Variants in IGSF10 observed in about 807,000 individuals in gnomAD.
The protein encoded by IGSF10 is immunoglobulin superfamily member 10, also known as calvaria mechanical force protein 608.
A neutral mutation model predicts 128.2 loss-of-function variants in IGSF10; 126 were observed. The observed-to-expected ratio is 0.98, with a 90% CI of 0.85 to 1.14. The LOEUF (loss-of-function observed/expected upper bound fraction) is 1.14. IGSF10 is among the 50% of genes most tolerant of loss of function. The pLI is 0.00. For synonymous variants in IGSF10, 1,185 were observed against 1,146.2 expected, an observed-to-expected ratio of 1.03 and a Z score of -0.68; for missense variants, 3,295 against 3,149.8, an observed-to-expected ratio of 1.05 and a Z score of -1.10.
the IGSF10 span, among the ~76,000 whole-genome samples, chr3:151,504,835 A>G: frequency 2.0e-5 from 3 of 152,216 alleles, no homozygotes; most frequent in Admixed American, 6.5e-5. Context: ...CTGTTTCTGT[A>G]CTGATAAGAT....
At chr3:151,566,052 G>A in the IGSF10 span, 1 of 153,436 alleles carries the variant, frequency 6.5e-6, no homozygotes, top group Non-Finnish European at 1.5e-5. Flanking sequence ...AGCAACTGAG[G>A]CAGTGCCAAT....
At chr3:151,501,722 A>G in the IGSF10 span, among the ~76,000 whole-genome samples, 1 of 152,122 alleles carries the variant, frequency 6.6e-6, no homozygotes, top group Non-Finnish European at 1.5e-5. Flanking sequence ...TGTCTCAGAA[A>G]TGATTAAGAG....
chr3:151,438,133 ATCC>A lies in IGSF10; in HGVS notation c.6425_6427del (p.Arg2142_Ile2143delinsLeu). ...CTTGTTGGTTTTGTTACTCTGCCTTATCCGGGGAGCAGCTGTTATAACTGTTAA... is the reference window on the plus strand; with the variant it reads ...CTTGTTGGTTTTGTTACTCTGCCTTAGGGGAGCAGCTGTTATAACTGTTAA... On this transcript the variant is annotated inframe_deletion, in exon 8 of 8. Transcript: ENST00000282466. 1 of 1,614,172 alleles carries A rather than the reference ATCC, an allele frequency of 6.2e-7. No individual in the cohort carries two copies. Among genetic ancestry groups the A allele is most frequent in the Non-Finnish European group, 8.5e-7 (1 of 1,180,016 alleles).
the IGSF10 span, among the ~76,000 whole-genome samples, chr3:151,493,090 T>G: frequency 6.6e-6 from 1 of 152,146 alleles, no homozygotes; most frequent in Non-Finnish European, 1.5e-5. Context: ...ATTGCATGAT[T>G]TCACTCATGT....
the IGSF10 span, among the ~76,000 whole-genome samples, chr3:151,512,043 TAGAC>T: frequency 6.6e-6 from 1 of 152,098 alleles, no homozygotes; most frequent in Middle Eastern, 3.2e-3. Flanking sequence ...CTGTCAACAT[TAGAC>T]AGATCAACTA....
chr3:151,438,452 G>GTT lies in IGSF10; in HGVS notation c.6107_6108dup (p.Pro2037AsnfsTer23), dbSNP rs1390343381. On this transcript the variant is annotated frameshift_variant, in exon 8 of 8. Transcript: ENST00000282466. LOFTEE classifies it low-confidence loss of function (END_TRUNC). The stretch of plus-strand genomic sequence containing the variant: ...TACTGCTTGTGGTCAATTTTGGCAG[G>GTT]TTTCAGTCTTAGGCTAACATGCATC... 6.2e-6 allele frequency: 10 copies of GTT among 1,613,984 alleles called. No individual in the cohort carries two copies. Among genetic ancestry groups the GTT allele is most frequent in the Non-Finnish European group, 7.6e-6 (9 of 1,180,038 alleles).
At position 151,437,061 on chromosome 3, in the gene IGSF10, G is replaced by A. The variant is rs779686148; in HGVS notation, c.7500C>T (p.Asp2500=). ...GAGCCTTACAGATATAGTTTCCTCT[G>A]TCATAAGCTGTTGCTTCTTTAATGA... is the stretch of plus-strand genomic sequence containing the variant. The part of the protein sequence containing the change: ...TLVIKEATAY[D]RGNYICKAQN... Residue 2500 remains aspartate (D), a synonymous_variant, in exon 8 of 8, where the codon GAC becomes GAT. Coordinates refer to ENST00000282466, the MANE Select transcript of IGSF10 (RefSeq NM_178822.5). 7 of 1,614,068 alleles carry A rather than the reference G, an allele frequency of 4.3e-6. No individual in the cohort carries two copies. Among genetic ancestry groups the A allele is most frequent in the South Asian group, 1.1e-5 (1 of 91,092 alleles).
At chr3:151,470,088 G>A in the IGSF10 span, among the ~76,000 whole-genome samples, 1 of 152,160 alleles carries the variant, frequency 6.6e-6, no homozygotes, top group Admixed American at 6.6e-5. Context: ...AATGCCACAA[G>A]GATTTACCAA....
At chr3:151,602,889 G>A in the IGSF10 span, among the ~76,000 whole-genome samples, 2 of 152,140 alleles carry the variant, frequency 1.3e-5, no homozygotes, top group Non-Finnish European at 2.9e-5. Flanking sequence ...TTTTCTTTTC[G>A]TATTTTCTGG....
In IGSF10 at chr3:151,446,777, G is replaced by A. The variant is rs761154809; in HGVS notation, c.3204C>T (p.Pro1068=). 6.2e-7 allele frequency: 1 copy of A among 1,614,058 alleles called. No homozygotes were observed. The highest frequency in any genetic ancestry group is 8.5e-7 in the Non-Finnish European group (1 of 1,179,986). Reference sequence around the variant, plus strand: ...CTGTGGCAGTGGTGAGCCTCTCCCTGGGAAGACAGGACAGACATGTCACAT... The same window carrying A: ...CTGTGGCAGTGGTGAGCCTCTCCCTAGGAAGACAGGACAGACATGTCACAT... The part of the protein sequence containing the change: ...VLNVTCLSCL[P]RERLTTATAA... The change falls in exon 6 of 8, where the codon CCC becomes CCT. Residue 1068 remains proline, a synonymous_variant. Transcript: ENST00000282466.
chr3:151,508,206 A>G, the IGSF10 span, among the ~76,000 whole-genome samples: 1 of 152,140 alleles, frequency 6.6e-6, no homozygotes, highest in Admixed American at 6.5e-5. Flanking sequence ...GCTTAAAGTT[A>G]CTTAAAAGTT....
the IGSF10 span, among the ~76,000 whole-genome samples, chr3:151,613,113 C>A: frequency 6.6e-6 from 1 of 152,108 alleles, no homozygotes; most frequent in African/African-American, 2.4e-5. Context: ...GAATAAAATA[C>A]CTAAGAATCC....
the IGSF10 span, among the ~76,000 whole-genome samples, chr3:151,466,926 T>C: frequency 6.6e-6 from 1 of 152,054 alleles, no homozygotes; most frequent in Non-Finnish European, 1.5e-5. Flanking sequence ...TAAAGAGAAC[T>C]TAAGATGGTC....
Position 151,436,686 on chromosome 3 carries a change from A to ATGTC in IGSF10, c.7871_*2dup. The ATGTC allele has an allele frequency of 6.4e-7, 1 of 1,572,712 alleles. No individual in the cohort carries two copies. The highest frequency in any genetic ancestry group is 8.6e-7 in the Non-Finnish European group (1 of 1,158,974). ...CAGATGTTGTTGACTTTATTATTTC[A>ATGTC]TGTCAGATTACTTGAATATACGTTG... On this transcript the variant is annotated 3_prime_UTR_variant, in exon 8 of 8. Coordinates refer to ENST00000282466, the MANE Select transcript of IGSF10 (RefSeq NM_178822.5).
rs763967927 is a variant in IGSF10, at chr3:151,448,047, C to T, written c.1934G>A (p.Cys645Tyr). ...VTPKDQGYYR[C>Y]VAANPSGVDF... ...AACCCCTGATGGGTTGGCTGCCACA[C>T]AGCGATAATAACCTTGGTCTTTCGG... Residue 645 changes from cysteine (C) to tyrosine (Y), a missense_variant, in exon 6 of 8, where the codon TGT becomes TAT. By Grantham distance (194) the Cys-to-Tyr change is radical. Coordinates refer to ENST00000282466, the MANE Select transcript of IGSF10 (RefSeq NM_178822.5). 6.2e-7 allele frequency: 1 copy of T among 1,614,172 alleles called. No individual in the cohort carries two copies. Among genetic ancestry groups the T allele is most frequent in the South Asian group, 1.1e-5 (1 of 91,082 alleles).
the IGSF10 span, chr3:151,476,197 T>C: frequency 6.6e-6 from 1 of 152,222 alleles, no homozygotes; most frequent in Non-Finnish European, 1.5e-5. Flanking sequence ...TATAAAGTGG[T>C]ATAAAAATAT....
the IGSF10 span, among the ~76,000 whole-genome samples, chr3:151,487,058 T>TA: frequency 6.6e-6 from 1 of 151,830 alleles, no homozygotes; most frequent in Non-Finnish European, 1.5e-5. Flanking sequence ...CTGTTTTTTT[T>TA]AAAGATCAAC....
the IGSF10 span, among the ~76,000 whole-genome samples, chr3:151,512,296 G>A: frequency 6.6e-6 from 1 of 152,260 alleles, no homozygotes; most frequent in Admixed American, 6.5e-5. Flanking sequence ...CTAGACCTCA[G>A]GATTAAGAAA....
At chr3:151,602,086 T>C in the IGSF10 span, among the ~76,000 whole-genome samples, 2 of 152,156 alleles carry the variant, frequency 1.3e-5, no homozygotes, top group African/African-American at 2.4e-5. Context: ...AAAACAAAGC[T>C]GGAAGCAGCC....
Sources: gnomAD v4.1 joint callset for allele counts (sites outside exome capture counted in the v4.1 genomes callset) on GRCh38, gnomAD v4.1.1 for gene constraint, MANE v1.5 for transcripts, NCBI Gene and HGNC (gene_info 2026-07-23, HGNC 2026-07-21) for gene names.